Variants in FLT1 observed in about 807,000 individuals in gnomAD.
The protein encoded by FLT1 is vascular endothelial growth factor receptor 1.
Under a neutral mutation model 156.3 loss-of-function variants are expected in FLT1, and 49 were observed. The observed-to-expected ratio is 0.31, with a 90% CI of 0.25 to 0.40. The LOEUF is 0.40. Ranked by LOEUF, FLT1 falls within the 10% of genes least tolerant of loss-of-function variation. The pLI, the probability that FLT1 is intolerant of heterozygous loss-of-function variation, is 1.00. For missense variants in FLT1, 1,322 were observed against 1,637.2 expected, an observed-to-expected ratio of 0.81 and a Z score of 3.32; for synonymous variants, 594 against 583.8, an observed-to-expected ratio of 1.02 and a Z score of -0.25.
chr13:28,304,891 A>T (rs904322386), intron 29 of FLT1, among the ~76,000 whole-genome samples: 2 of 152,208 alleles, frequency 1.3e-5, no homozygotes, highest in African/African-American at 2.4e-5. Context: ...TGACAATATT[A>T]TATTGTGTGG....
intron 4 of FLT1, among the ~76,000 whole-genome samples, chr13:28,436,904 G>A (rs1292082136): frequency 6.6e-6 from 1 of 152,116 alleles, no homozygotes; most frequent in Non-Finnish European, 1.5e-5. Context: ...GGTGGAGAGA[G>A]GTTTGATAAC....
At chr13:28,346,575 T>C (rs1411482701) in intron 15 of FLT1, among the ~76,000 whole-genome samples, 1 of 143,192 alleles carries the variant, frequency 7.0e-6, no homozygotes. Flanking sequence ...AAAAATGTGG[T>C]AGCACACACT....
chr13:28,411,214 A>G (rs1876150052), intron 10 of FLT1, among the ~76,000 whole-genome samples: 1 of 151,980 alleles, frequency 6.6e-6, no homozygotes, highest in Admixed American at 6.6e-5. Context: ...TGGTGAAATT[A>G]TAGGAACTCT....
chr13:28,427,275 G>A lies in FLT1; in HGVS notation c.1320C>T (p.Asp440=), dbSNP rs2137538573. Residue 440 remains aspartate (D), a synonymous_variant, in exon 10 of 30, where the codon GAC becomes GAT. Coordinates refer to ENST00000282397, the MANE Select transcript of FLT1 (RefSeq NM_002019.4). Reference sequence around the variant, plus strand: ...TGCTGCCCAGTGGGTAGAGAGCCGGGTCTGGAAACGATGACACGGCCTTTT... The same window carrying A: ...TGCTGCCCAGTGGGTAGAGAGCCGGATCTGGAAACGATGACACGGCCTTTT... ...IYEKAVSSFP[D]PALYPLGSRQ... is the part of the protein sequence containing the mutation. 6.2e-7 allele frequency: 1 copy of A among 1,614,008 alleles called. No individual in the cohort carries two copies.
At position 28,434,125 on chromosome 13, in the gene FLT1, C is replaced by T; in HGVS notation, c.609G>A (p.Gly203=). ...TGACTGTTGCTTCACAGGTCAGAAG[C>T]CCTATTTCTTTGTACGTTGCATTTG... is the stretch of plus-strand genomic sequence containing the variant. The part of the protein sequence containing the change: ...IISNATYKEI[G]LLTCEATVNG... The change falls in exon 5 of 30, where the codon GGG becomes GGA. Residue 203 remains glycine, a synonymous_variant. Coordinates refer to ENST00000282397, the MANE Select transcript of FLT1 (RefSeq NM_002019.4). The T allele has an allele frequency of 6.2e-7, 1 of 1,614,074 alleles. No individual in the cohort carries two copies. The highest frequency in any genetic ancestry group is 8.5e-7 in the Non-Finnish European group (1 of 1,179,982).
chr13:28,362,672 C>A (rs530647021), intron 14 of FLT1, among the ~76,000 whole-genome samples: 2 of 152,122 alleles, frequency 1.3e-5, no homozygotes, highest in Admixed American at 6.6e-5. Flanking sequence ...TTGGAAAAAA[C>A]AACAACAACA....
At position 28,301,578 on chromosome 13, in the gene FLT1, A is replaced by ACC. The variant is rs1870518162; in HGVS notation, c.*1588_*1589insGG. Reference sequence around the variant, plus strand: ...AAATTACATGGATAAAAGGAAGCATACTCTTCTCCCCAAGAAGCAGCAATC... The same window carrying ACC: ...AAATTACATGGATAAAAGGAAGCATACCCTCTTCTCCCCAAGAAGCAGCAATC... On this transcript the variant is annotated 3_prime_UTR_variant, in exon 30 of 30. Transcript: ENST00000282397. The ACC allele has an allele frequency of 1.7e-5, 4 of 233,086 alleles. No individual in the cohort carries two copies. Among genetic ancestry groups the ACC allele is most frequent in the Non-Finnish European group, 2.5e-5 (3 of 117,914 alleles). The allele number at this position is 233,086 out of a possible 1,614,324, so 14.4% of individuals were successfully genotyped here.
chr13:28,387,725 G>GT, intron 13 of FLT1: 1 of 1,028,132 alleles, frequency 9.7e-7, no homozygotes, highest in East Asian at 5.6e-5. Context: ...TCCCCCCTCC[G>GT]TTATCTTCAC....
Position 28,340,406 on chromosome 13 carries a change from T to C in FLT1, c.2356-1106A>G, listed in dbSNP as rs532241111. On this transcript the variant is annotated intron_variant, in intron 16 of 29. Coordinates refer to ENST00000282397, the MANE Select transcript of FLT1 (RefSeq NM_002019.4). The stretch of plus-strand genomic sequence containing the variant: ...AGAAAATACCCTTCATTTCAGATCA[T>C]AGATAAGTGGATTTACATTTAATGT... Among the ~76,000 whole-genome samples the C allele has an allele frequency of 3.3e-5, 5 of 152,266 alleles. No homozygotes were observed. In the South Asian group the frequency reaches 8.3e-4, roughly 25 times the overall value.
intron 17 of FLT1, among the ~76,000 whole-genome samples, chr13:28,335,582 C>G (rs1160716516): frequency 6.6e-6 from 1 of 152,222 alleles, no homozygotes; most frequent in East Asian, 1.9e-4. Flanking sequence ...CTACCCACCA[C>G]CCCAGGTGTC....
At chr13:28,422,299 G>T (rs1212741190) in intron 10 of FLT1, among the ~76,000 whole-genome samples, 1 of 107,682 alleles carries the variant, frequency 9.3e-6, no homozygotes, top group Non-Finnish European at 2.0e-5. Context: ...CAAAGAACCC[G>T]ATGTTACCTA....
chr13:28,481,468 C>CACAT (rs1161198118), intron 1 of FLT1, among the ~76,000 whole-genome samples: 1 of 151,802 alleles, frequency 6.6e-6, no homozygotes, highest in Admixed American at 6.6e-5. Flanking sequence ...CACACACACA[C>CACAT]ACACACACAC....
At position 28,330,226 on chromosome 13, in the gene FLT1, C is replaced by G. The variant is rs186279454; in HGVS notation, c.2594-498G>C. Among the ~76,000 whole-genome samples the G allele has an allele frequency of 8.5e-4, 129 of 152,360 alleles. No individual in the cohort carries two copies. In the Middle Eastern group the frequency reaches 0.01, roughly 12 times the overall value. ...GTTATTTTCTCCCTGTAACCCTGTC[C>G]TCTCTGGAGTTCACAGGGTTATCTT... On this transcript the variant is annotated intron_variant, in intron 18 of 29. Transcript: ENST00000282397.
chr13:28,327,636 A>C (rs1871739333), intron 19 of FLT1, 86 bp from the exon 20 acceptor site: 2 of 885,238 alleles, frequency 2.3e-6, no homozygotes, highest in African/African-American at 1.6e-5. Context: ...GAGAAACCTC[A>C]AACCAACCAG....
chr13:28,467,445 C>T (rs533228194), intron 2 of FLT1, 76 bp downstream of exon 2: 27 of 1,006,450 alleles, frequency 2.7e-5, no homozygotes, highest in Admixed American at 5.9e-5. Context: ...AGGTCCCTAC[C>T]TTTTTACTCT....
intron 16 of FLT1, among the ~76,000 whole-genome samples, chr13:28,343,305 C>CT (rs1182605676): frequency 3.0e-3 from 432 of 144,520 alleles, no homozygotes; most frequent in African/African-American, 6.0e-3. Context: ...TCTTTCTTTT[C>CT]TTTTTTTTTT....
intron 25 of FLT1, among the ~76,000 whole-genome samples, chr13:28,315,793 C>A (rs550585028): frequency 1.3e-5 from 2 of 152,276 alleles, no homozygotes; most frequent in Non-Finnish European, 2.9e-5. Context: ...AGAAGCATTT[C>A]TACTGAGGAA....
intron 25 of FLT1, among the ~76,000 whole-genome samples, 180 bp from the exon 26 acceptor site, chr13:28,312,278 GCCAGGT>G (rs1456631462): frequency 2.0e-5 from 3 of 152,160 alleles, no homozygotes; most frequent in Non-Finnish European, 4.4e-5. Context: ...GGCTGTCTGG[GCCAGGT>G]CCTGTGGTCA....
intron 1 of FLT1, among the ~76,000 whole-genome samples, chr13:28,482,753 C>T (rs930531683): frequency 4.6e-5 from 7 of 152,164 alleles, no homozygotes; most frequent in African/African-American, 1.7e-4. Flanking sequence ...GATATAGAAC[C>T]ACTAAGTTTA....
Sources: gnomAD v4.1 joint callset for allele counts (sites outside exome capture counted in the v4.1 genomes callset) on GRCh38, gnomAD v4.1.1 for gene constraint, MANE v1.5 for transcripts, NCBI Gene and HGNC (gene_info 2026-07-23, HGNC 2026-07-21) for gene names.